Variants in ROBO1 observed in about 807,000 individuals in gnomAD.
The protein encoded by ROBO1 is roundabout homolog 1.
A neutral mutation model predicts 195.9 loss-of-function variants in ROBO1; 149 were observed. That is an observed-to-expected ratio of 0.76 (90% CI 0.67 to 0.87). The LOEUF is 0.87. Among genes scored for constraint, ROBO1 ranks in the 40% least tolerant of loss-of-function variants. ROBO1 has a pLI of 0.00. For missense variants in ROBO1, 1,933 were observed against 2,068.3 expected, an observed-to-expected ratio of 0.93 and a Z score of 1.27; for synonymous variants, 816 against 733.2, an observed-to-expected ratio of 1.11 and a Z score of -1.82.
intron 3 of ROBO1, among the ~76,000 whole-genome samples, chr3:79,069,644 G>C (rs1014187604): frequency 1.3e-5 from 2 of 151,876 alleles, no homozygotes; most frequent in African/African-American, 4.8e-5. Context: ...CATTTGCAAA[G>C]AGAAGCAGTA....
rs562967871 is a variant in ROBO1, at chr3:79,306,606, G to T, written c.89-181067C>A. Among the ~76,000 whole-genome samples the T allele has an allele frequency of 2.0e-5, 3 of 152,296 alleles. No homozygotes were observed. In the South Asian group the frequency reaches 6.2e-4, roughly 32 times the overall value. On this transcript the variant is annotated intron_variant, in intron 2 of 30. Coordinates refer to ENST00000464233, the MANE Select transcript of ROBO1 (RefSeq NM_002941.4). The stretch of plus-strand genomic sequence containing the variant: ...CCAAAGTGCTCCGCAAGCACAGCCA[G>T]TGAAAGCGAAAAGCAAGATATCAAT...
chr3:79,076,229 CTT>C (rs2079170194), intron 3 of ROBO1, among the ~76,000 whole-genome samples: 1 of 146,522 alleles, frequency 6.8e-6, no homozygotes, highest in Non-Finnish European at 1.5e-5. Context: ...ATATATGTTA[CTT>C]ATATATAAAT....
intron 1 of ROBO1, among the ~76,000 whole-genome samples, chr3:79,721,475 A>C (rs1182914905): frequency 1.3e-5 from 2 of 152,162 alleles, no homozygotes; most frequent in Non-Finnish European, 2.9e-5. Context: ...AATAGGAGGA[A>C]ACTGTCAAAC....
intron 3 of ROBO1, among the ~76,000 whole-genome samples, chr3:78,966,078 G>C (rs771402956): frequency 2.0e-5 from 3 of 152,086 alleles, no homozygotes; most frequent in Non-Finnish European, 2.9e-5. Context: ...AGATGCTCAC[G>C]GCACAAACCC....
At chr3:79,601,803 A>G (rs1944347329) in intron 1 of ROBO1, among the ~76,000 whole-genome samples, 3 of 152,092 alleles carry the variant, frequency 2.0e-5, no homozygotes, top group African/African-American at 4.8e-5. Flanking sequence ...TTCATTTTGT[A>G]CACAAATTAA....
chr3:78,599,674 T>C (rs1703053442), intron 30 of ROBO1, among the ~76,000 whole-genome samples: 1 of 152,126 alleles, frequency 6.6e-6, no homozygotes, highest in African/African-American at 2.4e-5. Context: ...CTTTCAGAAG[T>C]GTAAAGGTGA....
At chr3:79,084,176 C>A (rs764041653) in intron 3 of ROBO1, among the ~76,000 whole-genome samples, 1 of 152,124 alleles carries the variant, frequency 6.6e-6, no homozygotes, top group Non-Finnish European at 1.5e-5. Flanking sequence ...ATAGGCAAGT[C>A]ATTTAATCTT....
At chr3:79,614,782 C>T (rs1285317746) in intron 1 of ROBO1, among the ~76,000 whole-genome samples, 1 of 151,152 alleles carries the variant, frequency 6.6e-6, no homozygotes, top group Non-Finnish European at 1.5e-5. Context: ...TCAAATTGAT[C>T]TATGATTTCA....
intron 1 of ROBO1, among the ~76,000 whole-genome samples, chr3:79,646,954 T>C (rs541865135): frequency 6.6e-6 from 1 of 152,028 alleles, no homozygotes; most frequent in African/African-American, 2.4e-5. Flanking sequence ...TACATACAAA[T>C]ATACAGTCTG....
intron 2 of ROBO1, among the ~76,000 whole-genome samples, chr3:79,479,354 A>G (rs1380523109): frequency 6.6e-6 from 1 of 152,134 alleles, no homozygotes; most frequent in Non-Finnish European, 1.5e-5. Flanking sequence ...TCGCATGCGC[A>G]CTTCACAATA....
chr3:79,112,028 G>A (rs2079895863), intron 3 of ROBO1, among the ~76,000 whole-genome samples: 1 of 152,136 alleles, frequency 6.6e-6, no homozygotes, highest in African/African-American at 2.4e-5. Context: ...TTGATTACAT[G>A]TTGAAACAAT....
intron 2 of ROBO1, among the ~76,000 whole-genome samples, chr3:79,410,483 A>T (rs1445246491): frequency 6.6e-6 from 1 of 152,162 alleles, no homozygotes. Flanking sequence ...TGTCCAGGGA[A>T]AATACGGTCA....
rs561105601 is a variant in ROBO1, at chr3:78,719,484, C to CAT, written c.658-1603_658-1602dup. Among the ~76,000 whole-genome samples, 4 of 136,216 alleles carry CAT rather than the reference C, an allele frequency of 2.9e-5. No homozygotes were observed. In the East Asian group the frequency reaches 8.4e-4, roughly 28 times the overall value. The allele number at this position is 136,216 out of a possible 152,430, so 89.4% of individuals were successfully genotyped here. A position where few individuals can be genotyped will look rare whatever the true frequency, so the allele number is the denominator to read the frequency against. On this transcript the variant is annotated intron_variant, in intron 5 of 30. Coordinates refer to ENST00000464233, the MANE Select transcript of ROBO1 (RefSeq NM_002941.4). ...ACATACACACTCACATACACACATG[C>CAT]ATATATATACACATTTACCATGAAT...
intron 5 of ROBO1, among the ~76,000 whole-genome samples, chr3:78,725,309 A>C (rs1204305928): frequency 6.6e-6 from 1 of 152,210 alleles, no homozygotes; most frequent in Non-Finnish European, 1.5e-5. Context: ...GAGGAAAAGA[A>C]GATAAAGAAT....
At position 78,636,090 on chromosome 3, in the gene ROBO1, T is replaced by A; in HGVS notation, c.3056A>T (p.Tyr1019Phe). 6.2e-7 allele frequency: 1 copy of A among 1,611,492 alleles called. No individual in the cohort carries two copies. Among genetic ancestry groups the A allele is most frequent in the East Asian group, 2.2e-5 (1 of 44,750 alleles). Reference sequence around the variant, plus strand: ...TTGTTTGTTATCCAGTTGGTTGTTATAATTTGCTATACAATCAGCTATGTG... The same window carrying A: ...TTGTTTGTTATCCAGTTGGTTGTTAAAATTTGCTATACAATCAGCTATGTG... ...YSRPADCIAN[Y>F]NNQLDNKQTN... The change falls in exon 23 of 31, where the codon TAT (tyrosine) becomes TTT (phenylalanine). Residue 1019 changes from tyrosine (Y) to phenylalanine (F), a missense_variant. By Grantham distance (22) the Tyr-to-Phe change is conservative (BLOSUM62 3). Coordinates refer to ENST00000464233, the MANE Select transcript of ROBO1 (RefSeq NM_002941.4).
intron 3 of ROBO1, among the ~76,000 whole-genome samples, chr3:78,939,730 A>T (rs1474307729): frequency 6.6e-6 from 1 of 151,542 alleles, no homozygotes; most frequent in African/African-American, 2.4e-5. Context: ...AATAAAAAAA[A>T]GTATATACAC....
chr3:79,215,211 G>A (rs1332242765), intron 2 of ROBO1, among the ~76,000 whole-genome samples: 1 of 151,976 alleles, frequency 6.6e-6, no homozygotes, highest in Non-Finnish European at 1.5e-5. Flanking sequence ...GTACACTTAC[G>A]CCAAAATAGC....
In ROBO1 at chr3:78,963,494, G is replaced by GTTTTTTTTTTT. The variant is rs750158094; in HGVS notation, c.173-24578_173-24568dup. 2.2e-4 allele frequency among the ~76,000 whole-genome samples: 16 copies of GTTTTTTTTTTT among 72,306 alleles called. 1 individual carries two copies. Among genetic ancestry groups the GTTTTTTTTTTT allele is most frequent in the East Asian group, 5.0e-4 (1 of 2,016 alleles). 47.4% of individuals were successfully genotyped at this position (72,306 alleles called of 152,430 possible). On this transcript the variant is annotated intron_variant, in intron 3 of 30. Coordinates refer to ENST00000464233, the MANE Select transcript of ROBO1 (RefSeq NM_002941.4). ...GAGAAGATCCAGAGGAAAACCTTCA[G>GTTTTTTTTTTT]TTTTTTTTTTTTTTTTTTTTTTTTT...
At chr3:79,363,721 C>G (rs181524512) in intron 2 of ROBO1, among the ~76,000 whole-genome samples, 4 of 152,326 alleles carry the variant, frequency 2.6e-5, no homozygotes, top group Admixed American at 6.5e-5. Context: ...TACACGCATG[C>G]AGTCTTGTGC....
Sources: gnomAD v4.1 joint callset for allele counts (sites outside exome capture counted in the v4.1 genomes callset) on GRCh38, gnomAD v4.1.1 for gene constraint, MANE v1.5 for transcripts, NCBI Gene and HGNC (gene_info 2026-07-23, HGNC 2026-07-21) for gene names.